The following CLEC2A variants were observed in gnomAD, a reference collection of about 807,000 sequenced individuals.
CLEC2A encodes the protein keratinocyte-associated C-type lectin.
CLEC2A carries 19 observed loss-of-function variants against 18.6 expected under a neutral mutation model. The ratio of observed to expected loss-of-function variants is 1.02; its 90% CI spans 0.71 to 1.50. The LOEUF is 1.50. CLEC2A is among the 40% of genes most tolerant of loss of function. The probability of loss-of-function intolerance (pLI) is 0.00; values close to 1 mark genes in which losing one functional copy is unlikely to be tolerated. For synonymous variants in CLEC2A, 74 were observed against 64.0 expected (o/e 1.16, Z -0.75); for missense variants, 190 against 207.9 (o/e 0.91, Z 0.53).
intron 4 of CLEC2A, among the ~76,000 whole-genome samples, chr12:9,902,481 C>T (rs771038590): frequency 1.3e-5 from 2 of 151,986 alleles, no homozygotes; most frequent in Non-Finnish European, 2.9e-5. Context: ...GAGCCACCCA[C>T]CTCGGCCTCC....
chr12:9,911,239 G>A (rs76094533), downstream of CLEC2A, among the ~76,000 whole-genome samples: 2,886 of 152,232 alleles, frequency 0.019, 109 homozygotes, highest in African/African-American at 0.065. Context: ...TTCCAAATAA[G>A]GAAAGGAATG....
chr12:9,921,664 T>A (rs1863175326), intron 3 of CLEC2A, among the ~76,000 whole-genome samples: 1 of 152,328 alleles, frequency 6.6e-6, no homozygotes, highest in East Asian at 1.9e-4. Context: ...CTGGAAGTCT[T>A]ACTGGTAACA....
At position 9,926,651 on chromosome 12, in the gene CLEC2A, G is replaced by A. The variant is rs11053514; in HGVS notation, c.56-308C>T. On this transcript the variant is annotated intron_variant, in intron 1 of 4. Coordinates refer to ENST00000455827, the MANE Select transcript of CLEC2A (RefSeq NM_001130711.2). ...AAATAGTTTGAATGGGGGATTTTAAGCAAAAAGGCATAAAGATCATCAAAA... is the reference window on the plus strand; with the variant it reads ...AAATAGTTTGAATGGGGGATTTTAAACAAAAAGGCATAAAGATCATCAAAA... Among the ~76,000 whole-genome samples the A allele has an allele frequency of 9.4e-3, 1,423 of 152,100 alleles. 11 individuals carry two copies. The highest frequency in any genetic ancestry group is 0.014 in the Non-Finnish European group (980 of 67,954).
intron 3 of CLEC2A, among the ~76,000 whole-genome samples, chr12:9,921,841 C>T (rs970108778): frequency 6.6e-6 from 1 of 152,012 alleles, no homozygotes; most frequent in Non-Finnish European, 1.5e-5. Flanking sequence ...TCTTCATCCT[C>T]GTTGTTTTCA....
chr12:9,923,432 G>A (rs770758), intron 2 of CLEC2A, among the ~76,000 whole-genome samples: 117,534 of 151,948 alleles, frequency 0.77, 46,102 homozygotes, highest in African/African-American at 0.9. Flanking sequence ...GAAACAACAG[G>A]TGCTGGAGAG....
intron 3 of CLEC2A, among the ~76,000 whole-genome samples, 173 bp downstream of exon 3, chr12:9,921,893 T>C (rs1863178974): frequency 6.6e-6 from 1 of 152,192 alleles, no homozygotes; most frequent in South Asian, 2.1e-4. Flanking sequence ...GAGGGTTTGC[T>C]CTTGCTGTCT....
chr12:9,881,689 C>T, the CLEC2A span: 216 of 1,489,314 alleles, frequency 1.5e-4, no homozygotes, highest in South Asian at 5.0e-4. Flanking sequence ...TCCCCATCAC[C>T]GCATTTAAAA....
At chr12:9,892,981 T>C in the CLEC2A span, 2 of 1,462,930 alleles carry the variant, frequency 1.4e-6, no homozygotes, top group Non-Finnish European at 1.8e-6. Flanking sequence ...CCCTGTTGGC[T>C]GTAAAGTTTA....
At chr12:9,925,666 T>A (rs1004871571) in intron 2 of CLEC2A, among the ~76,000 whole-genome samples, 3 of 149,756 alleles carry the variant, frequency 2.0e-5, no homozygotes, top group South Asian at 2.1e-4. Flanking sequence ...GATTTTTTTT[T>A]ATAAATATAG....
At chr12:9,897,140 A>G (rs1351093659), downstream of CLEC2A, among the ~76,000 whole-genome samples, 3 of 152,100 alleles carry the variant, frequency 2.0e-5, no homozygotes, top group Admixed American at 6.5e-5. Context: ...GATTACAGGC[A>G]TGAGCCACCG....
the CLEC2A span, among the ~76,000 whole-genome samples, chr12:9,889,837 T>G: frequency 6.6e-6 from 1 of 152,114 alleles, no homozygotes; most frequent in African/African-American, 2.4e-5. Context: ...GTTCTGATAT[T>G]TATATGCTAT....
chr12:9,884,368 T>C, the CLEC2A span, among the ~76,000 whole-genome samples: 1 of 151,692 alleles, frequency 6.6e-6, no homozygotes, highest in Non-Finnish European at 1.5e-5. Context: ...CCCAGAAAAA[T>C]ATAATATATT....
At chr12:9,909,740 AT>A (rs1382041077), downstream of CLEC2A, among the ~76,000 whole-genome samples, 1 of 152,090 alleles carries the variant, frequency 6.6e-6, no homozygotes, top group East Asian at 1.9e-4. Flanking sequence ...AGAGAAGAGT[AT>A]TTAGGCTGGT....
At chr12:9,929,041 A>G (rs1173027878) in intron 1 of CLEC2A, among the ~76,000 whole-genome samples, 2 of 152,212 alleles carry the variant, frequency 1.3e-5, no homozygotes, top group South Asian at 2.1e-4. Context: ...CAACAAAAAA[A>G]AAGCTGAGAA....
At chr12:9,884,979 G>C in the CLEC2A span, 53 of 1,347,994 alleles carry the variant, frequency 3.9e-5, no homozygotes, top group Admixed American at 5.9e-5. Flanking sequence ...CTCATATTTG[G>C]ATGCATTGTG....
the CLEC2A span, chr12:9,892,920 G>A: frequency 6.8e-6 from 7 of 1,035,640 alleles, no homozygotes; most frequent in South Asian, 1.1e-4. Flanking sequence ...AAAAAAATGA[G>A]TTGGAAAAAT....
chr12:9,895,821 C>T (rs190684268), downstream of CLEC2A: 1 of 1,532,542 alleles, frequency 6.5e-7, no homozygotes, highest in South Asian at 1.2e-5. Context: ...ACAATGGAAC[C>T]AGTGGTGTGT....
At chr12:9,886,259 A>C in the CLEC2A span, among the ~76,000 whole-genome samples, 16 of 152,140 alleles carry the variant, frequency 1.1e-4, no homozygotes, top group African/African-American at 3.9e-4. Flanking sequence ...CCAGTTTAAA[A>C]TATTCTTCAT....
chr12:9,916,435 C>T (rs988875545), intron 4 of CLEC2A, among the ~76,000 whole-genome samples: 4 of 151,824 alleles, frequency 2.6e-5, no homozygotes, highest in African/African-American at 9.7e-5. Context: ...AATTGTCAAG[C>T]AAGAGCTTGA....
Sources: gnomAD v4.1 joint callset for allele counts (sites outside exome capture counted in the v4.1 genomes callset) on GRCh38, gnomAD v4.1.1 for gene constraint, MANE v1.5 for transcripts, NCBI Gene and HGNC (gene_info 2026-07-23, HGNC 2026-07-21) for gene names.